The following FRMD6 variants were observed in gnomAD, a reference collection of about 807,000 sequenced individuals.
FRMD6 encodes the protein FERM domain containing 6, also known as FERM domain-containing protein 6.
Under a neutral mutation model 73.2 loss-of-function variants are expected in FRMD6, and 37 were observed. That is an observed-to-expected ratio of 0.51 (90% confidence interval 0.39 to 0.66). The LOEUF (loss-of-function observed/expected upper bound fraction) is 0.66, where lower values mean the gene tolerates loss of function less well. Ranked by LOEUF, FRMD6 falls within the 30% of genes least tolerant of loss-of-function variation. The pLI is 0.00. For synonymous variants in FRMD6, 273 were observed against 282.2 expected, an observed-to-expected ratio of 0.97 and a Z score of 0.33; for missense variants, 714 against 780.5, an observed-to-expected ratio of 0.91 and a Z score of 1.02.
chr14:51,728,013 CAG>C lies in FRMD6; in HGVS notation c.1856_1857del (p.Glu619ValfsTer19). ...CTGGATCTCACTCATGATGAAGTTC[CAG>C]AGTTTGTTGTGTAAAGTCCGTCTGT... On this transcript the variant is annotated frameshift_variant, in exon 14 of 14. Coordinates refer to ENST00000344768, the MANE Select transcript of FRMD6 (RefSeq NM_001267046.2). LOFTEE classifies it high-confidence loss of function. The C allele has an allele frequency of 6.2e-7, 1 of 1,609,584 alleles. No individual in the cohort carries two copies. Among genetic ancestry groups the C allele is most frequent in the Non-Finnish European group, 8.5e-7 (1 of 1,176,314 alleles).
At chr14:51,528,022 G>T (rs1399518897) in intron 1 of FRMD6, among the ~76,000 whole-genome samples, 1 of 152,110 alleles carries the variant, frequency 6.6e-6, no homozygotes, top group African/African-American at 2.4e-5. Context: ...CATGCCTGTG[G>T]TCCCAGCTAC....
Position 51,728,520 on chromosome 14 carries a change from C to T in FRMD6, c.*491C>T, listed in dbSNP as rs1324682037. 6.2e-6 allele frequency: 1 copy of T among 161,844 alleles called. No homozygotes were observed. Among genetic ancestry groups the T allele is most frequent in the East Asian group, 1.8e-4 (1 of 5,702 alleles). The allele number at this position is 161,844 out of a possible 1,614,324, so 10.0% of individuals were successfully genotyped here. On this transcript the variant is annotated 3_prime_UTR_variant, in exon 14 of 14. Transcript: ENST00000344768. ...GATTGCTCTGTATACCCATTGCTTC[C>T]TCCCTGAGGCTGTCCCAAAGTGAAC...
At chr14:51,436,985 CCTT>C in the FRMD6 span, 2 of 851,154 alleles carry the variant, frequency 2.3e-6, no homozygotes, top group Non-Finnish European at 3.6e-6. Flanking sequence ...TGGATTCCAA[CCTT>C]CTTTTTTAAA....
chr14:51,469,742 C>T, the FRMD6 span, among the ~76,000 whole-genome samples: 67 of 147,860 alleles, frequency 4.5e-4, 1 homozygote, highest in Admixed American at 8.7e-4. Flanking sequence ...TTTTTTTTTC[C>T]GTGATGTCTT....
intron 1 of FRMD6, among the ~76,000 whole-genome samples, chr14:51,556,778 T>A (rs115839336): frequency 0.011 from 1,731 of 152,300 alleles, 35 homozygotes; most frequent in African/African-American, 0.037. Context: ...CACCACCTAG[T>A]TCTTTCCCGA....
At chr14:51,646,040 C>T (rs113656948) in intron 2 of FRMD6, among the ~76,000 whole-genome samples, 5 of 151,558 alleles carry the variant, frequency 3.3e-5, no homozygotes, top group South Asian at 2.1e-4. Context: ...GAAGAGAGGC[C>T]GGGTGCGGTG....
the FRMD6 span, among the ~76,000 whole-genome samples, chr14:51,450,220 A>C: frequency 2.2e-4 from 34 of 152,368 alleles, no homozygotes; most frequent in Middle Eastern, 6.8e-3. Context: ...TAATATCACT[A>C]CCATCTTCTC....
chr14:51,625,696 G>C (rs1338711319), intron 2 of FRMD6, among the ~76,000 whole-genome samples: 1 of 152,124 alleles, frequency 6.6e-6, no homozygotes, highest in Non-Finnish European at 1.5e-5. Context: ...CTCATTCCAA[G>C]CTGGAGGTCT....
intron 9 of FRMD6, 98 bp downstream of exon 9, chr14:51,712,649 T>C: frequency 3.9e-6 from 3 of 765,004 alleles, no homozygotes; most frequent in South Asian, 3.3e-5. Flanking sequence ...CAATATTGTC[T>C]CAGGCACAAA....
chr14:51,404,768 A>C, the FRMD6 span, among the ~76,000 whole-genome samples: 1 of 152,102 alleles, frequency 6.6e-6, no homozygotes, highest in African/African-American at 2.4e-5. Flanking sequence ...CTATATTAAT[A>C]ATTCTTTTTA....
chr14:51,647,161 T>A (rs889966668), upstream of FRMD6, among the ~76,000 whole-genome samples: 1 of 151,534 alleles, frequency 6.6e-6, no homozygotes, highest in Non-Finnish European at 1.5e-5. Context: ...CTTTTACATA[T>A]TTTTTTTTCA....
chr14:51,483,005 G>C, the FRMD6 span, among the ~76,000 whole-genome samples: 36 of 152,168 alleles, frequency 2.4e-4, no homozygotes, highest in African/African-American at 8.7e-4. Context: ...CCTGGCCTTG[G>C]TTGGTTTTTA....
intron 1 of FRMD6, among the ~76,000 whole-genome samples, chr14:51,521,217 A>T (rs1182035995): frequency 6.6e-6 from 1 of 152,210 alleles, no homozygotes; most frequent in Admixed American, 6.5e-5. Context: ...GAAACTGTCC[A>T]GTAGTATAGG....
At chr14:51,455,665 G>A in the FRMD6 span, among the ~76,000 whole-genome samples, 1 of 152,172 alleles carries the variant, frequency 6.6e-6, no homozygotes, top group Non-Finnish European at 1.5e-5. Context: ...CCAAGAGCAG[G>A]AGAACACTGG....
chr14:51,437,216 A>T, the FRMD6 span, among the ~76,000 whole-genome samples: 1 of 151,812 alleles, frequency 6.6e-6, no homozygotes, highest in Non-Finnish European at 1.5e-5. Flanking sequence ...ACTCCCACCT[A>T]TGAGTGAGAA....
At chr14:51,628,879 T>TTTC (rs1891226158) in intron 2 of FRMD6, among the ~76,000 whole-genome samples, 2 of 131,100 alleles carry the variant, frequency 1.5e-5, no homozygotes, top group Non-Finnish European at 3.2e-5. Context: ...TTTCTTTTCT[T>TTTC]TTTTTTTTTT....
the FRMD6 span, among the ~76,000 whole-genome samples, chr14:51,448,028 G>A: frequency 1.3e-5 from 2 of 152,140 alleles, no homozygotes; most frequent in African/African-American, 4.8e-5. Flanking sequence ...TGTAGGAAAT[G>A]TGTCTTTTCT....
the FRMD6 span, among the ~76,000 whole-genome samples, chr14:51,413,052 G>A: frequency 4.8e-4 from 71 of 148,242 alleles, no homozygotes; most frequent in South Asian, 4.2e-3. Flanking sequence ...GCGCAGTGGC[G>A]TGATCTCAAC....
intron 1 of FRMD6, among the ~76,000 whole-genome samples, chr14:51,680,489 A>G (rs1894720114): frequency 6.6e-6 from 1 of 152,202 alleles, no homozygotes; most frequent in African/African-American, 2.4e-5. Context: ...TCTAAGGGCT[A>G]AAATTTAGAA....
Sources: gnomAD v4.1 joint callset for allele counts (sites outside exome capture counted in the v4.1 genomes callset) on GRCh38, gnomAD v4.1.1 for gene constraint, MANE v1.5 for transcripts, NCBI Gene and HGNC (gene_info 2026-07-23, HGNC 2026-07-21) for gene names.